Variants in TTBK2 observed in about 807,000 individuals in gnomAD.
TTBK2 encodes tau-tubulin kinase 2.
Under a neutral mutation model 110.8 loss-of-function variants are expected in TTBK2, and 28 were observed. The observed-to-expected ratio is 0.25, with a 90% CI of 0.19 to 0.35. The LOEUF (loss-of-function observed/expected upper bound fraction) is 0.35. Among genes scored for constraint, TTBK2 ranks in the 10% least tolerant of loss-of-function variants. The pLI is 1.00. For missense variants in TTBK2, 1,369 were observed against 1,500.3 expected, an observed-to-expected ratio of 0.91 and a Z score of 1.45; for synonymous variants, 532 against 527.3, an observed-to-expected ratio of 1.01 and a Z score of -0.12.
rs1290318102 is a variant in TTBK2 at position 42,811,715 on chromosome 15, C to T, written c.669G>A (p.Gln223=). The change falls in exon 8 of 15, where the codon CAG becomes CAA. Residue 223 remains glutamine, a synonymous_variant. Coordinates refer to ENST00000267890, the MANE Select transcript of TTBK2 (RefSeq NM_173500.4). The part of the protein sequence containing the change: ...FYMLVEFVVG[Q]LPWRKIKDKE... The stretch of plus-strand genomic sequence containing the variant: ...TGTCCTTTATTTTTCTCCAGGGCAG[C>T]TGACCAACCACAAACTCCACCAACA... The T allele has an allele frequency of 6.2e-7, 1 of 1,613,540 alleles. No individual in the cohort carries two copies. Among genetic ancestry groups the T allele is most frequent in the African/African-American group, 1.3e-5 (1 of 74,908 alleles).
At chr15:42,854,049 C>T (rs1018261689) in intron 3 of TTBK2, among the ~76,000 whole-genome samples, 1 of 152,108 alleles carries the variant, frequency 6.6e-6, no homozygotes, top group Non-Finnish European at 1.5e-5. Context: ...GATCCTCCTA[C>T]CTTAGCCTCT....
chr15:42,821,266 T>G (rs1346058694), intron 6 of TTBK2, among the ~76,000 whole-genome samples: 3 of 151,450 alleles, frequency 2.0e-5, no homozygotes, highest in Non-Finnish European at 4.4e-5. Flanking sequence ...TAAAGGTGAA[T>G]GTAGGGAGCA....
Position 42,775,542 on chromosome 15 carries a change from C to T in TTBK2, c.1591G>A (p.Gly531Ser). The change falls in exon 13 of 15, where the codon GGC becomes AGC. Residue 531 changes from glycine (G) to serine (S), a missense_variant. By Grantham distance (56) the Gly-to-Ser change is moderately conservative (BLOSUM62 0). Coordinates refer to ENST00000267890, the MANE Select transcript of TTBK2 (RefSeq NM_173500.4). ...TTAACAGCTATAAATCCATTGCTGCCACCACCATCTGCCTGCTCAGGGGTG... is the reference window on the plus strand; with the variant it reads ...TTAACAGCTATAAATCCATTGCTGCTACCACCATCTGCCTGCTCAGGGGTG... Reference protein sequence around the residue: ...ANTPEQADGGGSNGFIAVNLS... With the variant: ...ANTPEQADGGSSNGFIAVNLS... 2 of 1,614,140 alleles carry T rather than the reference C, an allele frequency of 1.2e-6. No individual in the cohort carries two copies. The highest frequency in any genetic ancestry group is 1.7e-6 in the Non-Finnish European group (2 of 1,180,028).
chr15:42,762,641 C>T (rs1176114954), intron 13 of TTBK2, among the ~76,000 whole-genome samples: 5 of 152,052 alleles, frequency 3.3e-5, no homozygotes, highest in East Asian at 1.9e-4. Flanking sequence ...TGCTTGAACC[C>T]GGGAGGTGGT....
intron 9 of TTBK2, among the ~76,000 whole-genome samples, chr15:42,797,963 A>T (rs1379753423): frequency 6.6e-6 from 1 of 151,942 alleles, no homozygotes; most frequent in African/African-American, 2.4e-5. Context: ...GGCTCACTGC[A>T]ACCTTCGCCT....
rs992410167 is a variant in TTBK2 at position 42,739,059 on chromosome 15, A to G, written c.*6736T>C. The G allele has an allele frequency of 6.6e-6, 1 of 152,248 alleles. No individual in the cohort carries two copies. The highest frequency in any genetic ancestry group is 1.5e-5 in the Non-Finnish European group (1 of 68,036). 9.4% of individuals were successfully genotyped at this position (152,248 alleles called of 1,614,324 possible). On this transcript the variant is annotated 3_prime_UTR_variant, in exon 15 of 15. Transcript: ENST00000267890. ...TAAAACAGAACTTAAAACACTGTACAAAGCTTTAATATGATACAAATGGGA... is the reference window on the plus strand; with the variant it reads ...TAAAACAGAACTTAAAACACTGTACGAAGCTTTAATATGATACAAATGGGA...
At chr15:42,815,956 A>ATATATATATATATAT (rs1256399173) in intron 7 of TTBK2, among the ~76,000 whole-genome samples, 21 of 63,946 alleles carry the variant, frequency 3.3e-4, no homozygotes, top group South Asian at 1.9e-3. Context: ...ATTTAAAAAA[A>ATATATATATATATAT]AAATATATAT....
In TTBK2 at chr15:42,752,535, C is replaced by T. The variant is rs752842969; in HGVS notation, c.2711G>A (p.Gly904Asp). Residue 904 changes from glycine to aspartate, a missense_variant, in exon 14 of 15, where the codon GGC becomes GAC. Coordinates refer to ENST00000267890, the MANE Select transcript of TTBK2 (RefSeq NM_173500.4). ...GDLSTFLHQE[G>D]KREKITPRNG... Reference sequence around the variant, plus strand: ...TCTAGGGGTGATTTTCTCTCTCTTGCCCTCTTGGTGCAAAAAAGTAGAGAG... The same window carrying T: ...TCTAGGGGTGATTTTCTCTCTCTTGTCCTCTTGGTGCAAAAAAGTAGAGAG... 3.7e-6 allele frequency: 6 copies of T among 1,614,002 alleles called. No homozygotes were observed. In the African/African-American group the frequency reaches 4.0e-5, roughly 11 times the overall value.
intron 1 of TTBK2, among the ~76,000 whole-genome samples, chr15:42,897,676 G>A (rs1302603409): frequency 2.0e-5 from 3 of 152,132 alleles, no homozygotes; most frequent in Non-Finnish European, 4.4e-5. Flanking sequence ...CATAAGATGT[G>A]TTTTAGGCAT....
intron 4 of TTBK2, among the ~76,000 whole-genome samples, chr15:42,837,070 G>T (rs75576181): frequency 3.9e-5 from 6 of 152,092 alleles, no homozygotes; most frequent in African/African-American, 1.4e-4. Flanking sequence ...GATCTAAAAA[G>T]GTTCAGAGGC....
rs188426184 is a variant in TTBK2 at position 42,856,434 on chromosome 15, C to T, written c.218-16001G>A. On this transcript the variant is annotated intron_variant, in intron 3 of 14. Transcript: ENST00000267890. ...TAGGTGAGAACAAACTGTGACATGG[C>T]AACAAAATATAATGCAATGTGCCTG... 1.3e-3 allele frequency among the ~76,000 whole-genome samples: 196 copies of T among 152,064 alleles called. 1 individual carries two copies. The highest frequency in any genetic ancestry group is 6.8e-3 in the Middle Eastern group (2 of 292).
intron 13 of TTBK2, among the ~76,000 whole-genome samples, chr15:42,772,015 C>T (rs992244064): frequency 1.5e-4 from 23 of 152,094 alleles, no homozygotes; most frequent in African/African-American, 5.3e-4. Context: ...AAAGTATAAA[C>T]GTAAGGTAAT....
intron 1 of TTBK2, among the ~76,000 whole-genome samples, chr15:42,882,357 G>A (rs370920752): frequency 5.9e-5 from 9 of 151,948 alleles, no homozygotes; most frequent in East Asian, 5.8e-4. Context: ...CCAGCACTTC[G>A]TAAGGCCAAG....
chr15:42,823,891 G>A (rs895044372), intron 6 of TTBK2, among the ~76,000 whole-genome samples: 1 of 152,134 alleles, frequency 6.6e-6, no homozygotes, highest in Non-Finnish European at 1.5e-5. Flanking sequence ...TAAAGAAGAG[G>A]TCTGTTTGGT....
At chr15:42,874,378 A>T (rs1422263119) in intron 2 of TTBK2, among the ~76,000 whole-genome samples, 2 of 151,638 alleles carry the variant, frequency 1.3e-5, no homozygotes, top group Non-Finnish European at 2.9e-5. Flanking sequence ...GTGCAGTGGC[A>T]TGATCTTGGC....
chr15:42,748,517 A>G (rs1323258543), intron 14 of TTBK2, among the ~76,000 whole-genome samples: 1 of 152,054 alleles, frequency 6.6e-6, no homozygotes, highest in African/African-American at 2.4e-5. Context: ...ACAACAACTC[A>G]TAGAAGGATC....
chr15:42,790,588 T>C (rs1890618721), intron 10 of TTBK2, among the ~76,000 whole-genome samples: 1 of 152,092 alleles, frequency 6.6e-6, no homozygotes, highest in African/African-American at 2.4e-5. Flanking sequence ...GCCTGGCCCG[T>C]ACTTTAATTT....
intron 10 of TTBK2, among the ~76,000 whole-genome samples, chr15:42,784,529 T>G (rs1258999004): frequency 6.6e-6 from 1 of 152,194 alleles, no homozygotes. Context: ...CTGCCTGCCT[T>G]GGCCTACCAA....
chr15:42,769,853 C>T (rs1198091304), intron 13 of TTBK2, among the ~76,000 whole-genome samples: 1 of 151,724 alleles, frequency 6.6e-6, no homozygotes, highest in Admixed American at 6.6e-5. Flanking sequence ...ACTTGGAACC[C>T]AAATGTCCAT....
Sources: gnomAD v4.1 joint callset for allele counts (sites outside exome capture counted in the v4.1 genomes callset) on GRCh38, gnomAD v4.1.1 for gene constraint, MANE v1.5 for transcripts, NCBI Gene and HGNC (gene_info 2026-07-23, HGNC 2026-07-21) for gene names.